The following ZDHHC5 variants were observed in gnomAD, a reference collection of about 807,000 sequenced individuals.
ZDHHC5 encodes the protein palmitoyltransferase ZDHHC5.
ZDHHC5 carries 22 observed loss-of-function variants against 70.0 expected under a neutral mutation model. The ratio of observed to expected loss-of-function variants is 0.31; its 90% CI spans 0.22 to 0.45. The LOEUF (loss-of-function observed/expected upper bound fraction) is 0.45. ZDHHC5 is among the 20% of genes least tolerant of loss of function. The pLI is 1.00. For synonymous variants in ZDHHC5, 313 were observed against 347.8 expected, an observed-to-expected ratio of 0.90 and a Z score of 1.11; for missense variants, 746 against 926.9, an observed-to-expected ratio of 0.80 and a Z score of 2.53.
At chr11:57,692,808 TCTCTATCTTAGAATGTTAAGTACCCA>T in intron 7 of ZDHHC5, 106 bp downstream of exon 7, 5 of 1,140,974 alleles carry the variant, frequency 4.4e-6, no homozygotes, top group East Asian at 5.0e-5. Flanking sequence ...TAGGAAGGGT[TCTCTATCTTAGAATGTTAAGTACCCA>T]CTCTATCTTA....
At chr11:57,693,954 G>T in intron 8 of ZDHHC5, 39 bp downstream of exon 8, 1 of 1,571,102 alleles carries the variant, frequency 6.4e-7, no homozygotes, top group Middle Eastern at 1.7e-4. Context: ...TAACATGGAA[G>T]TCTCACCCAA....
Position 57,673,557 on chromosome 11 carries a change from G to T in ZDHHC5, c.104+363G>T, listed in dbSNP as rs375774003. On this transcript the variant is annotated intron_variant, in intron 2 of 11. Coordinates refer to ENST00000287169, the MANE Select transcript of ZDHHC5 (RefSeq NM_015457.3). ...TAAGCAGTCAATTCTATGAGAAAGAGAACTAGACTAGACTAAAGGCTTTTT... is the reference window on the plus strand; with the variant it reads ...TAAGCAGTCAATTCTATGAGAAAGATAACTAGACTAGACTAAAGGCTTTTT... Among the ~76,000 whole-genome samples the T allele has an allele frequency of 4.6e-5, 7 of 152,164 alleles. No individual in the cohort carries two copies. In the East Asian group the frequency reaches 9.6e-4, roughly 21 times the overall value.
chr11:57,669,812 A>G (rs915745350), intron 1 of ZDHHC5, among the ~76,000 whole-genome samples: 7 of 152,082 alleles, frequency 4.6e-5, no homozygotes, highest in African/African-American at 1.4e-4. Context: ...CAAACTGTTG[A>G]CTCTGATGAA....
In ZDHHC5 at chr11:57,672,531, C is replaced by T. The variant is rs1265938935; in HGVS notation, c.-560C>T. 1 of 315,316 alleles carries T rather than the reference C, an allele frequency of 3.2e-6. No individual in the cohort carries two copies. The highest frequency in any genetic ancestry group is 5.7e-6 in the Non-Finnish European group (1 of 174,548). 19.5% of individuals were successfully genotyped at this position (315,316 alleles called of 1,614,324 possible). On this transcript the variant is annotated 5_prime_UTR_variant, in exon 2 of 12. Transcript: ENST00000287169. The stretch of plus-strand genomic sequence containing the variant: ...AGCTCCTCTTTAAAGTTGGAAGGGG[C>T]CTCAGGTTCCTTCTTGGATTGAAAT...
chr11:57,694,119 G>A (rs1404608418), intron 8 of ZDHHC5, among the ~76,000 whole-genome samples: 1 of 151,342 alleles, frequency 6.6e-6, no homozygotes, highest in Non-Finnish European at 1.5e-5. Flanking sequence ...AGCCTCCCGA[G>A]TAGCTGGGAT....
chr11:57,675,515 G>A (rs1432288575), intron 2 of ZDHHC5, among the ~76,000 whole-genome samples: 3 of 152,160 alleles, frequency 2.0e-5, no homozygotes, highest in African/African-American at 7.2e-5. Flanking sequence ...AAGGATTTTG[G>A]AGGACAATAT....
At chr11:57,694,214 A>G (rs1946321680) in intron 8 of ZDHHC5, among the ~76,000 whole-genome samples, 1 of 151,942 alleles carries the variant, frequency 6.6e-6, no homozygotes, top group Non-Finnish European at 1.5e-5. Context: ...CTGGTCTCGA[A>G]CTTCTGACCT....
Position 57,690,377 on chromosome 11 carries a change from A to G in ZDHHC5, c.600A>G (p.Val200=). 6.2e-7 allele frequency: 1 copy of G among 1,614,188 alleles called. No individual in the cohort carries two copies. Among genetic ancestry groups the G allele is most frequent in the East Asian group, 2.2e-5 (1 of 44,892 alleles). Residue 200 remains valine (V), a synonymous_variant, in exon 6 of 12, where the codon GTA becomes GTG. Transcript: ENST00000287169. ...MCVAGLFFIP[V]AGLTGFHVVL... is the part of the protein sequence containing the mutation. ...TGGCTGGCTTATTCTTCATCCCTGTAGCTGGCCTCACGGGATTTCACGTGG... is the reference window on the plus strand; with the variant it reads ...TGGCTGGCTTATTCTTCATCCCTGTGGCTGGCCTCACGGGATTTCACGTGG...
Position 57,672,268 on chromosome 11 carries a change from A to AAATT in ZDHHC5, c.-821_-820insTTAA, listed in dbSNP as rs1422119565. On this transcript the variant is annotated 5_prime_UTR_variant, in exon 2 of 12. An upstream open reading frame in the 5' UTR gains an earlier in-frame stop. Transcript: ENST00000287169. The stretch of plus-strand genomic sequence containing the variant: ...GAACTTTGTAGGAAACAGAGCCCTT[A>AAATT]AAGGGCTTGGGAATAACAAGAAGAG... 2.5e-6 allele frequency: 1 copy of AAATT among 398,456 alleles called. No homozygotes were observed. The highest frequency in any genetic ancestry group is 4.4e-6 in the Non-Finnish European group (1 of 226,062). 24.7% of individuals were successfully genotyped at this position (398,456 alleles called of 1,614,324 possible). A position where few individuals can be genotyped will look rare whatever the true frequency, so the allele number is the denominator to read the frequency against.
intron 6 of ZDHHC5, among the ~76,000 whole-genome samples, chr11:57,691,855 C>T (rs992091851): frequency 1.3e-5 from 2 of 151,724 alleles, no homozygotes; most frequent in African/African-American, 4.8e-5. Flanking sequence ...TATATGCCCA[C>T]TGGATACTGG....
chr11:57,692,148 C>A (rs1015999639), intron 6 of ZDHHC5, among the ~76,000 whole-genome samples: 1 of 152,156 alleles, frequency 6.6e-6, no homozygotes, highest in Non-Finnish European at 1.5e-5. Flanking sequence ...ACCCAAGTAG[C>A]TGGGATTGCA....
intron 2 of ZDHHC5, among the ~76,000 whole-genome samples, chr11:57,676,909 ATTTTTTTTTTTTTTTTTT>A (rs72474322): frequency 2.5e-5 from 2 of 80,982 alleles, no homozygotes; most frequent in Non-Finnish European, 4.4e-5. Context: ...GCTTCACGTG[ATTTTTTTTTTTTTTTTTT>A]TTTTTTTTTT....
intron 9 of ZDHHC5, 76 bp downstream of exon 9, chr11:57,696,119 C>T: frequency 6.5e-7 from 1 of 1,532,722 alleles, no homozygotes; most frequent in Non-Finnish European, 8.8e-7. Flanking sequence ...CTGTGGAAGA[C>T]AGGCAAGGGC....
At chr11:57,680,951 T>C (rs552116165) in intron 2 of ZDHHC5, among the ~76,000 whole-genome samples, 44 of 152,328 alleles carry the variant, frequency 2.9e-4, no homozygotes, top group African/African-American at 1.1e-3. Flanking sequence ...TTGCTCCAGC[T>C]TCGTTATTTT....
At chr11:57,688,271 TGA>T (rs1293425892) in intron 3 of ZDHHC5, among the ~76,000 whole-genome samples, 1 of 152,212 alleles carries the variant, frequency 6.6e-6, no homozygotes, top group African/African-American at 2.4e-5. Flanking sequence ...AGCTACCTCT[TGA>T]GTCATTTTAT....
At chr11:57,699,601 T>A (rs1590874488) in intron 11 of ZDHHC5, among the ~76,000 whole-genome samples, 183 bp downstream of exon 11, 1 of 152,240 alleles carries the variant, frequency 6.6e-6, no homozygotes, top group East Asian at 1.9e-4. Context: ...GACTGAAGAT[T>A]AATACTTTTT....
intron 8 of ZDHHC5, among the ~76,000 whole-genome samples, chr11:57,695,211 G>A (rs1006415894): frequency 6.6e-6 from 1 of 151,980 alleles, no homozygotes; most frequent in Non-Finnish European, 1.5e-5. Flanking sequence ...GCAGTGAGCC[G>A]AGATCATGCC....
In ZDHHC5 at chr11:57,693,747, C is replaced by T. The variant is rs181836734; in HGVS notation, c.753-36C>T. 2,649 of 1,519,720 alleles carry T rather than the reference C, an allele frequency of 1.7e-3. 45 individuals are homozygous for T. The African/African-American group carries it at 0.032, about 18-fold the overall frequency. 94.1% of individuals were successfully genotyped at this position (1,519,720 alleles called of 1,614,324 possible). On this transcript the variant is annotated intron_variant, in intron 7 of 11. Transcript: ENST00000287169. ...AAATATAAATGAATGAAAGCTCTCT[C>T]GCTGTGTCTCTCTCTCTCTCTCTCT...
chr11:57,692,189 A>G (rs1171213429), intron 6 of ZDHHC5, among the ~76,000 whole-genome samples: 1 of 151,818 alleles, frequency 6.6e-6, no homozygotes, highest in Non-Finnish European at 1.5e-5. Context: ...GCTAGTTTTT[A>G]TATATTTTTA....
Sources: allele counts gnomAD v4.1 joint callset (sites outside exome capture counted in the v4.1 genomes callset), GRCh38; gene constraint gnomAD v4.1.1; transcripts MANE v1.5; gene names NCBI Gene and HGNC (gene_info 2026-07-23, HGNC 2026-07-21).